NEBL: variants seen among roughly 807,000 people sequenced by gnomAD.
NEBL encodes the protein LIM and SH3 protein 2.
A neutral mutation model predicts 140.2 loss-of-function variants in NEBL; 122 were observed. That is an observed-to-expected ratio of 0.87 (90% CI 0.75 to 1.01). The LOEUF (loss-of-function observed/expected upper bound fraction) is 1.01. NEBL is among the 50% of genes least tolerant of loss of function. The pLI, the probability that NEBL is intolerant of heterozygous loss-of-function variation, is 0.00. For missense variants in NEBL, 1,365 were observed against 1,231.3 expected (o/e 1.11, Z -1.62); for synonymous variants, 436 against 398.9 (o/e 1.09, Z -1.11).
At chr10:21,029,950 T>A in intron 2 of NEBL, 1 of 563,234 alleles carries the variant, frequency 1.8e-6, no homozygotes, top group South Asian at 1.8e-5. Context: ...AGATGATTTC[T>A]CTCGGGATGA....
At chr10:21,291,517 A>AAG (rs1564557205) in intron 1 of NEBL, among the ~76,000 whole-genome samples, 2 of 151,470 alleles carry the variant, frequency 1.3e-5, no homozygotes, top group African/African-American at 4.9e-5. Context: ...AAAAAAAAAA[A>AAG]AAGAAGAAGA....
At chr10:21,137,999 T>C (rs111243967) in intron 2 of NEBL, among the ~76,000 whole-genome samples, 2,142 of 150,604 alleles carry the variant, frequency 0.014, 46 homozygotes, top group African/African-American at 0.049. Context: ...TGGAAGTGGA[T>C]GGAGAGGAGC....
Position 20,781,188 on chromosome 10 carries a change from G to A in NEBL, c.*4559C>T, listed in dbSNP as rs1835015076. The A allele has an allele frequency of 6.6e-6, 1 of 152,582 alleles. No individual in the cohort carries two copies. Among genetic ancestry groups the A allele is most frequent in the African/African-American group, 2.4e-5 (1 of 41,432 alleles). The allele number at this position is 152,582 out of a possible 1,614,324, so 9.5% of individuals were successfully genotyped here. On this transcript the variant is annotated 3_prime_UTR_variant, in exon 28 of 28. Coordinates refer to ENST00000377122, the MANE Select transcript of NEBL (RefSeq NM_006393.3). The stretch of plus-strand genomic sequence containing the variant: ...ACTAAAATATATTTTAATAGCTGGT[G>A]TTAACAATTTGCATAACAAAAGCCA...
At chr10:21,088,453 C>G (rs980349062) in intron 2 of NEBL, among the ~76,000 whole-genome samples, 8 of 152,132 alleles carry the variant, frequency 5.3e-5, no homozygotes, top group Non-Finnish European at 1.0e-4. Flanking sequence ...CACTGCACTC[C>G]AACCTGGTTG....
chr10:20,897,062 C>T (rs1184331019), intron 1 of NEBL, 33 bp from the exon 2 acceptor site: 3 of 1,602,794 alleles, frequency 1.9e-6, no homozygotes, highest in East Asian at 2.2e-5. Context: ...ACAGAAAGAA[C>T]ATTTTTCTCA....
intron 3 of NEBL, among the ~76,000 whole-genome samples, chr10:20,978,106 A>T (rs1437098973): frequency 2.0e-5 from 3 of 152,200 alleles, no homozygotes; most frequent in African/African-American, 7.2e-5. Context: ...GAAAATAAGG[A>T]AATAGATATG....
In NEBL at chr10:21,099,984, A is replaced by C. The variant is rs548004488; in HGVS notation, c.164+72399T>G. ...GTTGCAAAAAAATAAAATAAAATAA[A>C]AACAAGAAGTCCTCCTCAATCCTTT... On this transcript the variant is annotated intron_variant, in intron 2 of 6. Coordinates refer to the NEBL transcript ENST00000417816. Among the ~76,000 whole-genome samples the C allele has an allele frequency of 5.3e-5, 8 of 152,330 alleles. No homozygotes were observed. The East Asian group carries it at 1.4e-3, about 26-fold the overall frequency.
chr10:21,100,886 T>C (rs994613754), intron 2 of NEBL, among the ~76,000 whole-genome samples: 21 of 152,238 alleles, frequency 1.4e-4, no homozygotes, highest in African/African-American at 4.6e-4. Flanking sequence ...GATAACAAAT[T>C]TCCTGTGATT....
chr10:21,023,063 T>A (rs1838863516), intron 2 of NEBL, among the ~76,000 whole-genome samples: 1 of 152,208 alleles, frequency 6.6e-6, no homozygotes, highest in Admixed American at 6.5e-5. Context: ...AGTTCCAACT[T>A]GGGAAGTTGA....
intron 4 of NEBL, among the ~76,000 whole-genome samples, chr10:20,912,335 T>C (rs1848363203): frequency 6.6e-6 from 1 of 152,132 alleles, no homozygotes; most frequent in South Asian, 2.1e-4. Context: ...CCTGTAGTCC[T>C]AGCTACTCCA....
chr10:20,912,881 C>CT (rs397847147), intron 4 of NEBL, among the ~76,000 whole-genome samples: 15,465 of 117,780 alleles, frequency 0.13, 1,144 homozygotes, highest in Middle Eastern at 0.19. Context: ...TATGCCAATT[C>CT]TTTTTTTTTT....
intron 2 of NEBL, among the ~76,000 whole-genome samples, chr10:21,036,473 A>G (rs1834020853): frequency 6.6e-6 from 1 of 152,174 alleles, no homozygotes; most frequent in South Asian, 2.1e-4. Context: ...ACTTTAAAAA[A>G]TAAAGAATAA....
chr10:20,833,085 G>T (rs1227146197), intron 14 of NEBL, among the ~76,000 whole-genome samples: 1 of 152,168 alleles, frequency 6.6e-6, no homozygotes, highest in African/African-American at 2.4e-5. Flanking sequence ...ATGTAAATGT[G>T]TTCTAAAGCA....
chr10:20,945,988 C>T (rs1182554258), intron 4 of NEBL, among the ~76,000 whole-genome samples: 1 of 152,134 alleles, frequency 6.6e-6, no homozygotes, highest in Non-Finnish European at 1.5e-5. Flanking sequence ...GGGATTGTTG[C>T]TAAAAATAAG....
At chr10:21,077,549 G>C (rs889877371) in intron 2 of NEBL, among the ~76,000 whole-genome samples, 6 of 152,086 alleles carry the variant, frequency 3.9e-5, no homozygotes, top group Admixed American at 2.0e-4. Context: ...GGAGCTTGCA[G>C]TGAGCCGAGA....
intron 4 of NEBL, among the ~76,000 whole-genome samples, chr10:20,936,567 A>G (rs923076051): frequency 6.6e-6 from 1 of 152,218 alleles, no homozygotes; most frequent in African/African-American, 2.4e-5. Flanking sequence ...CTGGCCTTAG[A>G]GCAAGAATTA....
chr10:20,826,429 A>C lies in NEBL; in HGVS notation c.1869+18T>G. The C allele has an allele frequency of 6.3e-7, 1 of 1,577,494 alleles. No homozygotes were observed. The highest frequency in any genetic ancestry group is 8.7e-7 in the Non-Finnish European group (1 of 1,147,330). ...GGTTTGCTTTTAGAAAAGATAATTA[A>C]TGCTGTAGAGAACTTACTGAACTAA... On this transcript the variant is annotated intron_variant, in intron 18 of 27. Transcript: ENST00000377122.
chr10:21,008,372 C>T (rs542840383), intron 3 of NEBL, among the ~76,000 whole-genome samples: 1 of 152,254 alleles, frequency 6.6e-6, no homozygotes, highest in Admixed American at 6.5e-5. Flanking sequence ...TTACAGCATA[C>T]TGTTGAAATT....
chr10:21,030,987 C>G, intron 2 of NEBL, among the ~76,000 whole-genome samples: 1 of 152,214 alleles, frequency 6.6e-6, no homozygotes, highest in East Asian at 1.9e-4. Flanking sequence ...CTGCCTCCAA[C>G]AGCTCCCATG....
Sources: gnomAD v4.1 joint callset for allele counts (sites outside exome capture counted in the v4.1 genomes callset) on GRCh38, gnomAD v4.1.1 for gene constraint, MANE v1.5 for transcripts, NCBI Gene and HGNC (gene_info 2026-07-23, HGNC 2026-07-21) for gene names.